FRMD4A: variants seen among roughly 807,000 people sequenced by gnomAD.
The protein encoded by FRMD4A is FERM domain containing 4A.
FRMD4A carries 29 observed loss-of-function variants against 129.1 expected under a neutral mutation model. That is an observed-to-expected ratio of 0.22 (90% CI 0.17 to 0.31). FRMD4A has a LOEUF of 0.31. Among genes scored for constraint, FRMD4A ranks in the 10% least tolerant of loss-of-function variants. The probability of loss-of-function intolerance (pLI) is 1.00; values close to 1 mark genes in which losing one functional copy is unlikely to be tolerated. For synonymous variants in FRMD4A, 634 were observed against 571.6 expected (o/e 1.11, Z -1.56); for missense variants, 1,272 against 1,375.8 (o/e 0.92, Z 1.19).
chr10:14,187,799 C>G (rs1842195025), intron 2 of FRMD4A, among the ~76,000 whole-genome samples: 9 of 152,246 alleles, frequency 5.9e-5, no homozygotes, highest in Non-Finnish European at 1.0e-4. Context: ...TAGAAGTAGA[C>G]TTGGGAAATT....
At chr10:13,882,805 GGTTTT>G (rs1564967207) in intron 2 of FRMD4A, among the ~76,000 whole-genome samples, 2 of 96,104 alleles carry the variant, frequency 2.1e-5, no homozygotes, top group Non-Finnish European at 4.3e-5. Context: ...ATAATTTTTT[GGTTTT>G]TTTTTTTTTT....
At chr10:13,797,450 C>T (rs1181924678) in intron 4 of FRMD4A, among the ~76,000 whole-genome samples, 2 of 152,060 alleles carry the variant, frequency 1.3e-5, no homozygotes, top group Non-Finnish European at 2.9e-5. Context: ...AAGACCAGCC[C>T]GTGCAAAGGC....
At chr10:13,996,979 A>T (rs1028028660) in intron 2 of FRMD4A, among the ~76,000 whole-genome samples, 3 of 149,588 alleles carry the variant, frequency 2.0e-5, no homozygotes, top group Non-Finnish European at 4.4e-5. Flanking sequence ...CATTGAAAAA[A>T]ATTGAGGCAA....
At chr10:14,081,681 C>T (rs1210185135) in intron 2 of FRMD4A, among the ~76,000 whole-genome samples, 1 of 152,220 alleles carries the variant, frequency 6.6e-6, no homozygotes, top group Non-Finnish European at 1.5e-5. Context: ...ATGCAAAGCT[C>T]TGTGCCAAGC....
chr10:14,105,160 C>G (rs573206646), intron 2 of FRMD4A, among the ~76,000 whole-genome samples: 2 of 152,322 alleles, frequency 1.3e-5, no homozygotes, highest in East Asian at 3.9e-4. Flanking sequence ...ATTTGAAGAG[C>G]TATAGGTCGT....
chr10:14,126,148 C>T (rs1021195489), intron 2 of FRMD4A, among the ~76,000 whole-genome samples: 1 of 150,914 alleles, frequency 6.6e-6, no homozygotes, highest in African/African-American at 2.4e-5. Context: ...TATGTCCTCA[C>T]CCATCACAAA....
chr10:13,926,205 T>C (rs911492701), intron 2 of FRMD4A, among the ~76,000 whole-genome samples: 4 of 152,164 alleles, frequency 2.6e-5, no homozygotes, highest in African/African-American at 9.7e-5. Flanking sequence ...GGCTGTGTAT[T>C]GGAAAACATT....
intron 3 of FRMD4A, among the ~76,000 whole-genome samples, chr10:13,834,423 C>T (rs868144883): frequency 3.9e-5 from 6 of 152,166 alleles, no homozygotes; most frequent in East Asian, 1.9e-4. Context: ...AAATAAAACC[C>T]GGCCTGCAGA....
intron 2 of FRMD4A, among the ~76,000 whole-genome samples, chr10:14,002,387 G>A (rs1231869802): frequency 3.9e-5 from 6 of 152,146 alleles, no homozygotes; most frequent in South Asian, 2.1e-4. Flanking sequence ...AGAGCATTTC[G>A]CTTTCTCCGC....
At chr10:13,819,035 C>T (rs759995070) in intron 3 of FRMD4A, among the ~76,000 whole-genome samples, 11 of 152,060 alleles carry the variant, frequency 7.2e-5, no homozygotes, top group Admixed American at 3.9e-4. Context: ...GGCTGAGGCA[C>T]GAGAATCGCT....
intron 2 of FRMD4A, among the ~76,000 whole-genome samples, chr10:14,228,132 A>G (rs1214906255): frequency 6.6e-6 from 1 of 152,188 alleles, no homozygotes; most frequent in Non-Finnish European, 1.5e-5. Flanking sequence ...TCAGCCTCCT[A>G]AAGTGCTGGG....
intron 2 of FRMD4A, among the ~76,000 whole-genome samples, chr10:14,306,453 A>T (rs1846355326): frequency 6.6e-6 from 1 of 152,226 alleles, no homozygotes; most frequent in Admixed American, 6.5e-5. Flanking sequence ...ATAATACAGC[A>T]AACAGCTGAG....
At chr10:13,958,434 C>T (rs921961606) in intron 2 of FRMD4A, among the ~76,000 whole-genome samples, 2 of 151,454 alleles carry the variant, frequency 1.3e-5, no homozygotes, top group Non-Finnish European at 2.9e-5. Flanking sequence ...CAGGTGCCCG[C>T]CACCATGCCT....
At chr10:13,893,203 ATTTTTGTAT>A (rs2094720766) in intron 2 of FRMD4A, among the ~76,000 whole-genome samples, 2 of 152,108 alleles carry the variant, frequency 1.3e-5, no homozygotes. Context: ...CACGCTGCTA[ATTTTTGTAT>A]TTTTTGTAGA....
intron 2 of FRMD4A, among the ~76,000 whole-genome samples, chr10:14,062,415 C>T (rs759255767): frequency 9.2e-5 from 14 of 152,166 alleles, no homozygotes; most frequent in Non-Finnish European, 1.8e-4. Context: ...AGAAAGGAAA[C>T]TCCCAGAGAT....
At chr10:14,191,737 C>T (rs1241744447) in intron 2 of FRMD4A, among the ~76,000 whole-genome samples, 1 of 151,816 alleles carries the variant, frequency 6.6e-6, no homozygotes, top group Non-Finnish European at 1.5e-5. Flanking sequence ...ATATTTCCAG[C>T]CTCAGAATAT....
chr10:14,229,925 T>C (rs773537982), intron 2 of FRMD4A, among the ~76,000 whole-genome samples: 4 of 152,346 alleles, frequency 2.6e-5, no homozygotes, highest in Non-Finnish European at 5.9e-5. Flanking sequence ...ACATGAATTG[T>C]CCTATGAACT....
chr10:13,956,750 C>A (rs986474333), intron 2 of FRMD4A, among the ~76,000 whole-genome samples: 2 of 152,160 alleles, frequency 1.3e-5, no homozygotes, highest in Non-Finnish European at 2.9e-5. Context: ...GCAGTGAGTA[C>A]TAAGATTCAA....
chr10:13,999,679 T>C (rs1565170716), intron 2 of FRMD4A, among the ~76,000 whole-genome samples: 1 of 152,254 alleles, frequency 6.6e-6, no homozygotes. Context: ...TTCTGTACTA[T>C]CTCAAAATAT....
Sources: allele counts gnomAD v4.1 joint callset (sites outside exome capture counted in the v4.1 genomes callset), GRCh38; gene constraint gnomAD v4.1.1; transcripts MANE v1.5; gene names NCBI Gene and HGNC (gene_info 2026-07-23, HGNC 2026-07-21).